Variants in GALNTL6 observed in about 807,000 individuals in gnomAD.
GALNTL6 encodes polypeptide N-acetylgalactosaminyltransferase like 6.
Under a neutral mutation model 73.7 loss-of-function variants are expected in GALNTL6, and 46 were observed. The ratio of observed to expected loss-of-function variants is 0.62; its 90% CI spans 0.49 to 0.80. The LOEUF (loss-of-function observed/expected upper bound fraction) is 0.80. Ranked by LOEUF, GALNTL6 falls within the 30% of genes least tolerant of loss-of-function variation. The pLI, the probability that GALNTL6 is intolerant of heterozygous loss-of-function variation, is 0.00. For synonymous variants in GALNTL6, 259 were observed against 263.7 expected (o/e 0.98, Z 0.17); for missense variants, 604 against 755.0 (o/e 0.80, Z 2.34).
chr4:172,465,838 C>A (rs969072305), intron 5 of GALNTL6, among the ~76,000 whole-genome samples: 1 of 152,146 alleles, frequency 6.6e-6, no homozygotes, highest in Non-Finnish European at 1.5e-5. Context: ...TAAAAAATGT[C>A]CAGCAGTTGC....
At chr4:172,331,177 CTTTAT>C (rs1164351979) in intron 4 of GALNTL6, among the ~76,000 whole-genome samples, 17 of 150,652 alleles carry the variant, frequency 1.1e-4, no homozygotes, top group Non-Finnish European at 1.8e-4. Flanking sequence ...ATTTTTAAAA[CTTTAT>C]TTTATTTTAC....
At chr4:172,167,242 C>T (rs1271098115) in intron 2 of GALNTL6, among the ~76,000 whole-genome samples, 4 of 152,158 alleles carry the variant, frequency 2.6e-5, no homozygotes, top group Non-Finnish European at 5.9e-5. Flanking sequence ...ATGCAGAATT[C>T]ATTAAGAAAG....
intron 3 of GALNTL6, among the ~76,000 whole-genome samples, chr4:172,303,649 TG>T (rs1554012124): frequency 6.6e-6 from 1 of 152,238 alleles, no homozygotes; most frequent in Non-Finnish European, 1.5e-5. Context: ...GATTAACATA[TG>T]TATTATCTCA....
intron 5 of GALNTL6, among the ~76,000 whole-genome samples, chr4:172,550,103 A>T (rs1360714269): frequency 6.6e-6 from 1 of 152,184 alleles, no homozygotes; most frequent in Non-Finnish European, 1.5e-5. Context: ...TATTTATCAC[A>T]AATATACATA....
At chr4:173,013,441 G>T (rs1752640529) in intron 11 of GALNTL6, among the ~76,000 whole-genome samples, 1 of 152,002 alleles carries the variant, frequency 6.6e-6, no homozygotes, top group Non-Finnish European at 1.5e-5. Flanking sequence ...TAATGCTCTA[G>T]AATGAAATCT....
intron 2 of GALNTL6, among the ~76,000 whole-genome samples, chr4:172,140,322 G>A (rs1733767428): frequency 6.6e-6 from 1 of 152,052 alleles, no homozygotes. Flanking sequence ...CAGGAGAACA[G>A]ATATATGGTA....
At chr4:173,022,150 G>C (rs188925609) in intron 12 of GALNTL6, among the ~76,000 whole-genome samples, 25 of 133,258 alleles carry the variant, frequency 1.9e-4, no homozygotes, top group Non-Finnish European at 3.2e-4. Flanking sequence ...AAAAGAGAGA[G>C]AGAAGGCAGG....
chr4:171,894,086 A>G (rs979210558), intron 2 of GALNTL6, among the ~76,000 whole-genome samples: 6 of 152,166 alleles, frequency 3.9e-5, no homozygotes, highest in Non-Finnish European at 7.4e-5. Flanking sequence ...GATGCTTGCT[A>G]TTCTCTCTTG....
intron 5 of GALNTL6, among the ~76,000 whole-genome samples, chr4:172,538,246 G>C (rs759604424): frequency 6.6e-6 from 1 of 152,022 alleles, no homozygotes; most frequent in Non-Finnish European, 1.5e-5. Context: ...AGATCATGAG[G>C]TCAGGAGATC....
chr4:172,113,697 T>G (rs1228745317), intron 2 of GALNTL6, among the ~76,000 whole-genome samples: 1 of 152,082 alleles, frequency 6.6e-6, no homozygotes, highest in Non-Finnish European at 1.5e-5. Flanking sequence ...TACATATTTT[T>G]GCCTAAACTC....
chr4:172,701,259 T>G (rs1734012122), intron 5 of GALNTL6, among the ~76,000 whole-genome samples: 1 of 152,092 alleles, frequency 6.6e-6, no homozygotes, highest in Admixed American at 6.6e-5. Context: ...CTTCAGATAT[T>G]TACATATCTA....
At chr4:172,427,379 A>C (rs1414112048) in intron 5 of GALNTL6, among the ~76,000 whole-genome samples, 1 of 152,062 alleles carries the variant, frequency 6.6e-6, no homozygotes, top group Non-Finnish European at 1.5e-5. Context: ...ATTCTCTATT[A>C]CGAGAACAGC....
intron 5 of GALNTL6, among the ~76,000 whole-genome samples, chr4:172,486,085 A>G (rs904813959): frequency 1.3e-5 from 2 of 152,206 alleles, no homozygotes; most frequent in Admixed American, 6.5e-5. Context: ...AATGATCAAG[A>G]TATGATGTGC....
chr4:172,644,297 A>G (rs1467675618), intron 5 of GALNTL6, among the ~76,000 whole-genome samples: 1 of 151,800 alleles, frequency 6.6e-6, no homozygotes, highest in Admixed American at 6.6e-5. Flanking sequence ...ATATACATAT[A>G]CATATACACA....
At chr4:172,552,213 A>G (rs576006779) in intron 5 of GALNTL6, among the ~76,000 whole-genome samples, 7 of 152,100 alleles carry the variant, frequency 4.6e-5, no homozygotes, top group Non-Finnish European at 8.8e-5. Context: ...CATTTAATGA[A>G]ATTGGCCACC....
At chr4:172,771,475 A>G (rs1211037354) in intron 5 of GALNTL6, among the ~76,000 whole-genome samples, 1 of 152,212 alleles carries the variant, frequency 6.6e-6, no homozygotes, top group East Asian at 1.9e-4. Context: ...TAATAGTACA[A>G]TACTTTAATT....
intron 3 of GALNTL6, among the ~76,000 whole-genome samples, chr4:172,269,757 T>A (rs1250074360): frequency 3.9e-5 from 6 of 152,124 alleles, no homozygotes; most frequent in Admixed American, 6.6e-5. Flanking sequence ...TTTTTTATTT[T>A]TTTTTATTTT....
chr4:172,798,724 G>GTAAAACAGTT (rs1185839992), intron 5 of GALNTL6, among the ~76,000 whole-genome samples: 2 of 152,160 alleles, frequency 1.3e-5, no homozygotes, highest in Non-Finnish European at 2.9e-5. Flanking sequence ...GCGGTTAACA[G>GTAAAACAGTT]TAAAACAGTT....
intron 2 of GALNTL6, among the ~76,000 whole-genome samples, chr4:172,178,654 T>TAATCCAGTCTA (rs1463504945): frequency 3.8e-5 from 2 of 52,836 alleles, no homozygotes; most frequent in Non-Finnish European, 4.2e-5. Flanking sequence ...CACATTTTCT[T>TAATCCAGTCTA]TTTTTTTTTT....
Sources: allele counts gnomAD v4.1 joint callset (sites outside exome capture counted in the v4.1 genomes callset), GRCh38; gene constraint gnomAD v4.1.1; transcripts MANE v1.5; gene names NCBI Gene and HGNC (gene_info 2026-07-23, HGNC 2026-07-21).